FOCAD: variants seen among roughly 807,000 people sequenced by gnomAD.
The protein encoded by FOCAD is KIAA1797.
FOCAD carries 198 observed loss-of-function variants against 225.6 expected under a neutral mutation model. The ratio of observed to expected loss-of-function variants is 0.88; its 90% CI spans 0.78 to 0.99. The LOEUF is 0.99. FOCAD is among the 50% of genes least tolerant of loss of function. The probability of loss-of-function intolerance (pLI) is 0.00; values close to 1 mark genes in which losing one functional copy is unlikely to be tolerated. For missense variants in FOCAD, 2,713 were observed against 2,123.6 expected, an observed-to-expected ratio of 1.28 and a Z score of -5.46; for synonymous variants, 897 against 755.0, an observed-to-expected ratio of 1.19 and a Z score of -3.08.
chr9:20,853,913 G>C (rs952502962), intron 15 of FOCAD, among the ~76,000 whole-genome samples: 1 of 151,658 alleles, frequency 6.6e-6, no homozygotes, highest in African/African-American at 2.4e-5. Context: ...TCCATTGATT[G>C]TGTCTCTTCA....
At chr9:20,759,963 C>A (rs1417218678) in intron 6 of FOCAD, among the ~76,000 whole-genome samples, 1 of 152,172 alleles carries the variant, frequency 6.6e-6, no homozygotes, top group Non-Finnish European at 1.5e-5. Context: ...AGTTAGTGTA[C>A]TTTCACCAAG....
chr9:20,778,511 C>T (rs933104889), intron 8 of FOCAD, among the ~76,000 whole-genome samples, 170 bp from the exon 9 acceptor site: 13 of 152,216 alleles, frequency 8.5e-5, no homozygotes, highest in East Asian at 5.8e-4. Context: ...TGAGCTGCCA[C>T]GCCCGGCCGA....
chr9:20,787,744 T>C (rs541572478), intron 10 of FOCAD, among the ~76,000 whole-genome samples: 2 of 150,556 alleles, frequency 1.3e-5, no homozygotes, highest in South Asian at 4.1e-4. Flanking sequence ...TAATTTCTTC[T>C]GTATTTGTCC....
At chr9:20,928,001 A>G (rs796395827) in intron 26 of FOCAD, 1 of 152,038 alleles carries the variant, frequency 6.6e-6, no homozygotes, top group South Asian at 2.1e-4. Flanking sequence ...TGGAAGATAA[A>G]TTTTGCTCAA....
chr9:20,663,495 A>T (rs961518065), intron 2 of FOCAD, among the ~76,000 whole-genome samples: 2 of 151,722 alleles, frequency 1.3e-5, no homozygotes, highest in African/African-American at 4.9e-5. Flanking sequence ...ACACACACAC[A>T]CACACACACA....
In FOCAD at chr9:20,698,365, T is replaced by TAC. The variant is rs532346011; in HGVS notation, c.-33+14083_-33+14084dup. ...ACACATTATATATACTATATGTGTA[T>TAC]ACACACACACACGCACACACACACA... On this transcript the variant is annotated intron_variant, in intron 1 of 43. Transcript: ENST00000338382. 2.4e-3 allele frequency among the ~76,000 whole-genome samples: 362 copies of TAC among 151,928 alleles called. 1 individual carries two copies. Among genetic ancestry groups the TAC allele is most frequent in the African/African-American group, 8.0e-3 (333 of 41,460 alleles).
chr9:20,837,544 G>T (rs7022350), intron 15 of FOCAD, among the ~76,000 whole-genome samples: 84,011 of 150,110 alleles, frequency 0.56, 23,641 homozygotes, highest in East Asian at 0.67. Flanking sequence ...AATGGGTAGG[G>T]TTTTTTTTTG....
chr9:20,909,909 A>G (rs1452692382), intron 22 of FOCAD, among the ~76,000 whole-genome samples: 4 of 152,072 alleles, frequency 2.6e-5, no homozygotes, highest in Admixed American at 6.6e-5. Flanking sequence ...CTGGTGCTAG[A>G]TGTATTTTTT....
In FOCAD at chr9:20,818,357, C is replaced by T. The variant is rs115361312; in HGVS notation, c.1456-1439C>T. Among the ~76,000 whole-genome samples the T allele has an allele frequency of 6.7e-3, 1,026 of 152,008 alleles. 11 individuals carry two copies. Among genetic ancestry groups the T allele is most frequent in the African/African-American group, 0.023 (961 of 41,492 alleles). On this transcript the variant is annotated intron_variant, in intron 11 of 43. Coordinates refer to ENST00000338382, the MANE Select transcript of FOCAD (RefSeq NM_001375567.1). ...TCACTTTCTTTATGGTATCTTTTGA[C>T]GGACAAGCATTTTTACGTTGATGAA...
intron 2 of FOCAD, among the ~76,000 whole-genome samples, chr9:20,673,803 C>G (rs1822149562): frequency 6.6e-6 from 1 of 152,196 alleles, no homozygotes; most frequent in Non-Finnish European, 1.5e-5. Context: ...AACCCCTGAG[C>G]TCAAGCGATC....
intron 18 of FOCAD, among the ~76,000 whole-genome samples, chr9:20,867,746 G>GA (rs1191901251): frequency 6.6e-6 from 1 of 151,998 alleles, no homozygotes; most frequent in Non-Finnish European, 1.5e-5. Flanking sequence ...GTGTCAAGCA[G>GA]ACATTGTGTT....
intron 27 of FOCAD, 71 bp from the exon 28 acceptor site, chr9:20,932,943 T>G (rs1172476047): frequency 6.5e-6 from 7 of 1,080,914 alleles, no homozygotes; most frequent in Non-Finnish European, 8.6e-6. Context: ...GAGAGTATAA[T>G]ATTGTATTCA....
rs1180400193 is a variant in FOCAD, at chr9:20,820,887, T to A, written c.1663-54T>A. On this transcript the variant is annotated intron_variant, in intron 13 of 43. Coordinates refer to ENST00000338382, the MANE Select transcript of FOCAD (RefSeq NM_001375567.1). The stretch of plus-strand genomic sequence containing the variant: ...AAAATGCTGAGTAAAAGGAAGATAA[T>A]GATTATTCAACTCAAGTTGGGAAAC... 5 of 1,588,390 alleles carry A rather than the reference T, an allele frequency of 3.1e-6. No homozygotes were observed. In the South Asian group the frequency reaches 5.6e-5, roughly 18 times the overall value.
chr9:20,682,470 A>T (rs1254628623), upstream of FOCAD, among the ~76,000 whole-genome samples: 1 of 152,206 alleles, frequency 6.6e-6, no homozygotes, highest in Non-Finnish European at 1.5e-5. Flanking sequence ...TTCCTTATTT[A>T]TAAAATGTGG....
intron 35 of FOCAD, among the ~76,000 whole-genome samples, chr9:20,969,557 G>T (rs200753313): frequency 2.0e-5 from 3 of 151,724 alleles, no homozygotes; most frequent in Non-Finnish European, 4.4e-5. Context: ...CTCTTATAAA[G>T]TTCTATTTCT....
intron 2 of FOCAD, among the ~76,000 whole-genome samples, chr9:20,663,065 A>G (rs1236292948): frequency 6.6e-6 from 1 of 152,266 alleles, no homozygotes; most frequent in South Asian, 2.1e-4. Context: ...TACTTCTGAT[A>G]ATATCAAGGA....
intron 15 of FOCAD, among the ~76,000 whole-genome samples, chr9:20,843,616 A>G (rs979086342): frequency 3.9e-5 from 6 of 151,988 alleles, no homozygotes; most frequent in African/African-American, 1.4e-4. Context: ...GTGTTCCATA[A>G]CCTTTGTGTA....
At chr9:20,981,819 C>T in intron 38 of FOCAD, 133 bp downstream of exon 38, 1 of 976,842 alleles carries the variant, frequency 1.0e-6, no homozygotes, top group Non-Finnish European at 1.5e-6. Context: ...ACATTCTTTA[C>T]TAGGAGTGTA....
intron 15 of FOCAD, among the ~76,000 whole-genome samples, chr9:20,857,138 T>C (rs1828266867): frequency 6.6e-6 from 1 of 152,094 alleles, no homozygotes; most frequent in Non-Finnish European, 1.5e-5. Context: ...GTAATTGTTA[T>C]TTTGATAGGG....
Sources: allele counts gnomAD v4.1 joint callset (sites outside exome capture counted in the v4.1 genomes callset), GRCh38; gene constraint gnomAD v4.1.1; transcripts MANE v1.5; gene names NCBI Gene and HGNC (gene_info 2026-07-23, HGNC 2026-07-21).